SDHA: variants seen among roughly 807,000 people sequenced by gnomAD.
The protein encoded by SDHA is succinate dehydrogenase [ubiquinone] flavoprotein subunit, mitochondrial.
SDHA carries 48 observed loss-of-function variants against 78.4 expected under a neutral mutation model. The ratio of observed to expected loss-of-function variants is 0.61; its 90% CI spans 0.49 to 0.78. SDHA has a LOEUF of 0.78. Among genes scored for constraint, SDHA ranks in the 30% least tolerant of loss-of-function variants. The probability of loss-of-function intolerance (pLI) is 0.00; values close to 1 mark genes in which losing one functional copy is unlikely to be tolerated. For missense variants in SDHA, 680 were observed against 892.7 expected (o/e 0.76, Z 3.04); for synonymous variants, 326 against 353.9 (o/e 0.92, Z 0.88).
intron 5 of SDHA, 83 bp downstream of exon 5, chr5:226,130 G>GT: frequency 6.8e-7 from 1 of 1,475,196 alleles, no homozygotes; most frequent in East Asian, 2.3e-5. Context: ...AGCGTGCCCA[G>GT]TGAGTCAGCC....
chr5:254,855 G>A (rs534742792), intron 14 of SDHA, among the ~76,000 whole-genome samples: 26 of 152,150 alleles, frequency 1.7e-4, no homozygotes, highest in African/African-American at 5.3e-4. Flanking sequence ...GGGACACACA[G>A]CCATTACCAG....
intron 9 of SDHA, 39 bp downstream of exon 9, chr5:235,378 G>A: frequency 6.2e-7 from 1 of 1,604,836 alleles, no homozygotes; most frequent in Non-Finnish European, 8.5e-7. Flanking sequence ...TGGAAAGAAG[G>A]CTGGGACGAC....
downstream of SDHA, among the ~76,000 whole-genome samples, chr5:258,846 C>CCG (rs528131255): frequency 1.8e-4 from 13 of 72,784 alleles, no homozygotes; most frequent in East Asian, 2.7e-4. Flanking sequence ...CAGAGCATTA[C>CCG]TGTGAGCTCC....
At chr5:233,875 G>A in intron 8 of SDHA, 1 of 513,640 alleles carries the variant, frequency 1.9e-6, no homozygotes, top group Non-Finnish European at 3.5e-6. Context: ...TTCTCTTAGT[G>A]TGTGTGAGTA....
intron 1 of SDHA, among the ~76,000 whole-genome samples, chr5:219,647 G>T (rs375690242): frequency 3.9e-5 from 6 of 152,230 alleles, no homozygotes; most frequent in African/African-American, 1.2e-4. Flanking sequence ...GACCCCTGCC[G>T]CATCTTGGGC....
chr5:254,881 T>C (rs10078265), intron 14 of SDHA, among the ~76,000 whole-genome samples: 36,639 of 151,634 alleles, frequency 0.24, 6,823 homozygotes, highest in African/African-American at 0.53. Flanking sequence ...AGTCCCACGT[T>C]AAGGGAGCCC....
In SDHA at chr5:251,000, A is replaced by C. The variant is rs1261025402; in HGVS notation, c.1560A>C (p.Gln520His). Reference protein sequence around the residue: ...ELRLSMQKSMQNHAAVFRVGS... With the variant: ...ELRLSMQKSMHNHAAVFRVGS... ...AATATTTTGTGCCACAGTCAATGCA[A>C]AATCATGCTGCCGTGTTCCGTGTGG... is the stretch of plus-strand genomic sequence containing the variant. The change falls in exon 12 of 15, where the codon CAA becomes CAC. Residue 520 changes from glutamine (Q) to histidine (H), a missense_variant. Physicochemically the swap from Gln to His is conservative, Grantham distance 24. Coordinates refer to ENST00000264932, the MANE Select transcript of SDHA (RefSeq NM_004168.4). 1 of 1,612,024 alleles carries C rather than the reference A, an allele frequency of 6.2e-7. No individual in the cohort carries two copies. Among genetic ancestry groups the C allele is most frequent in the East Asian group, 2.2e-5 (1 of 44,888 alleles).
intron 11 of SDHA, among the ~76,000 whole-genome samples, chr5:243,488 C>T (rs1185330636): frequency 6.6e-6 from 1 of 152,096 alleles, no homozygotes; most frequent in East Asian, 1.9e-4. Context: ...GGCAGCTGGG[C>T]TGGTTTAGAT....
chr5:246,002 T>C (rs969204008), intron 11 of SDHA, among the ~76,000 whole-genome samples: 2 of 152,258 alleles, frequency 1.3e-5, no homozygotes, highest in African/African-American at 4.8e-5. Context: ...CTGGTCTCAC[T>C]AGCCCTCAGC....
Position 225,527 on chromosome 5 carries a change from T to C in SDHA, c.421T>C (p.Tyr141His), listed in dbSNP as rs1553997643. 5.0e-6 allele frequency: 8 copies of C among 1,613,832 alleles called. No individual in the cohort carries two copies. In the South Asian group the frequency reaches 7.7e-5, roughly 16 times the overall value. The change falls in exon 4 of 15, where the codon TAC becomes CAC. Residue 141 changes from tyrosine to histidine, a missense_variant. Tyr to His is a moderately conservative substitution (Grantham distance 83). Transcript: ENST00000264932. ...GCTGGGGGACCAGGATGCCATCCAC[T>C]ACATGACGGAGCAGGCCCCCGCCGC... ...DWLGDQDAIH[Y>H]MTEQAPAAVV...
At chr5:256,266 A>G (rs1205276783) in intron 14 of SDHA, 68 bp from the exon 15 acceptor site, 4 of 1,205,482 alleles carry the variant, frequency 3.3e-6, no homozygotes, top group Non-Finnish European at 4.9e-6. Context: ...AAATTTTTCA[A>G]AAGGAACACA....
At position 256,403 on chromosome 5, in the gene SDHA, G is replaced by A. The variant is rs1554002911; in HGVS notation, c.1978G>A (p.Ala660Thr). The change falls in exon 15 of 15, where the codon GCC (alanine) becomes ACC (threonine). Residue 660 changes from alanine (A) to threonine (T), a missense_variant. Transcript: ENST00000264932. ...NEADCATVPP[A>T]IRSY ...GGCTGACTGTGCCACCGTCCCGCCA[G>A]CCATTCGCTCCTACTGATGAGACAA... 3 of 1,613,360 alleles carry A rather than the reference G, an allele frequency of 1.9e-6. No individual in the cohort carries two copies. Among genetic ancestry groups the A allele is most frequent in the Non-Finnish European group, 1.7e-6 (2 of 1,179,410 alleles).
rs1005120614 is a variant in SDHA at position 235,539 on chromosome 5, T to C, written c.1260+200T>C. The C allele has an allele frequency of 4.7e-6, 3 of 632,354 alleles. No individual in the cohort carries two copies. In the Admixed American group the frequency reaches 8.2e-5, roughly 17 times the overall value. The allele number at this position is 632,354 out of a possible 1,614,324, so 39.2% of individuals were successfully genotyped here. On this transcript the variant is annotated intron_variant, in intron 9 of 14. Transcript: ENST00000264932. ...AATAATTTATTCCTCCTTAGTAAAT[T>C]GTCAGAGATACATCATTTGCAGCTT...
At chr5:250,489 G>A (rs1011290855) in intron 11 of SDHA, 1 of 232,040 alleles carries the variant, frequency 4.3e-6, no homozygotes, top group African/African-American at 2.3e-5. Flanking sequence ...ATGGGCCAAG[G>A]GCCCCAGCCA....
At chr5:219,820 T>C (rs1734612048) in intron 1 of SDHA, among the ~76,000 whole-genome samples, 1 of 152,174 alleles carries the variant, frequency 6.6e-6, no homozygotes, top group Non-Finnish European at 1.5e-5. Flanking sequence ...ACTAAGACCC[T>C]GCCAGCGGCG....
intron 5 of SDHA, among the ~76,000 whole-genome samples, chr5:227,008 G>T (rs1187515264): frequency 1.3e-5 from 2 of 151,116 alleles, no homozygotes; most frequent in Non-Finnish European, 2.9e-5. Context: ...GGTTTTGTTT[G>T]TTTTGTTTTG....
rs935241830 is a variant in SDHA at position 225,477 on chromosome 5, A to G, written c.371A>G (p.Tyr124Cys). The G allele has an allele frequency of 4.3e-6, 7 of 1,613,504 alleles. No homozygotes were observed. The highest frequency in any genetic ancestry group is 2.7e-5 in the African/African-American group (2 of 74,882). The change falls in exon 4 of 15, where the codon TAC becomes TGC. Residue 124 changes from tyrosine (Y) to cysteine (C), a missense_variant. Physicochemically the swap from Tyr to Cys is radical, Grantham distance 194. Coordinates refer to ENST00000264932, the MANE Select transcript of SDHA (RefSeq NM_004168.4). ...GAGGACAACTGGAGGTGGCATTTCTACGACACCGTGAAGGGCTCCGACTGG... is the reference window on the plus strand; with the variant it reads ...GAGGACAACTGGAGGTGGCATTTCTGCGACACCGTGAAGGGCTCCGACTGG... ...MEEDNWRWHFYDTVKGSDWLG... is the reference protein window; with the variant it reads ...MEEDNWRWHFCDTVKGSDWLG...
chr5:267,657 C>G, the SDHA span, among the ~76,000 whole-genome samples: 8 of 152,276 alleles, frequency 5.3e-5, no homozygotes, highest in South Asian at 6.2e-4. Flanking sequence ...CTGAGAGAAA[C>G]GAGACCAAAG....
chr5:264,666 G>A, the SDHA span, among the ~76,000 whole-genome samples: 3 of 152,230 alleles, frequency 2.0e-5, no homozygotes, highest in African/African-American at 7.2e-5. Flanking sequence ...ACAGGGTTCT[G>A]CAGCCCAACT....
Sources: gnomAD v4.1 joint callset for allele counts (sites outside exome capture counted in the v4.1 genomes callset) on GRCh38, gnomAD v4.1.1 for gene constraint, MANE v1.5 for transcripts, NCBI Gene and HGNC (gene_info 2026-07-23, HGNC 2026-07-21) for gene names.